UGT1A8: variants seen among roughly 807,000 people sequenced by gnomAD.
UGT1A8 encodes UDP-glucuronosyltransferase 1A8.
A neutral mutation model predicts 45.3 loss-of-function variants in UGT1A8; 39 were observed. The ratio of observed to expected loss-of-function variants is 0.86; its 90% CI spans 0.67 to 1.12. The LOEUF (loss-of-function observed/expected upper bound fraction) is 1.12. Among genes scored for constraint, UGT1A8 ranks in the 50% most tolerant of loss-of-function variants. UGT1A8 has a pLI of 0.00. For synonymous variants in UGT1A8, 275 were observed against 249.2 expected, an observed-to-expected ratio of 1.10 and a Z score of -0.97; for missense variants, 719 against 664.9, an observed-to-expected ratio of 1.08 and a Z score of -0.90.
chr2:233,653,248 C>T (rs1396167031), intron 1 of UGT1A8, among the ~76,000 whole-genome samples: 1 of 152,114 alleles, frequency 6.6e-6, no homozygotes, highest in Non-Finnish European at 1.5e-5. Context: ...ATTTGAAAAA[C>T]ATATAAAAAC....
At chr2:233,671,416 C>T (rs925394448) in intron 1 of UGT1A8, among the ~76,000 whole-genome samples, 6 of 152,176 alleles carry the variant, frequency 3.9e-5, no homozygotes, top group African/African-American at 1.2e-4. Context: ...AATATGTATG[C>T]ATTGCAGAGA....
intron 1 of UGT1A8, among the ~76,000 whole-genome samples, chr2:233,630,088 A>C (rs1332715652): frequency 6.6e-6 from 1 of 151,534 alleles, no homozygotes; most frequent in African/African-American, 2.4e-5. Flanking sequence ...GGTTTCATTA[A>C]TTTTCTCAAC....
At chr2:233,693,541 G>T (rs1471757220) in intron 1 of UGT1A8, 7 of 1,614,056 alleles carry the variant, frequency 4.3e-6, no homozygotes, top group Non-Finnish European at 5.1e-6. Context: ...GTTCCCTGGA[G>T]CATACATTCA....
intron 1 of UGT1A8, among the ~76,000 whole-genome samples, chr2:233,744,427 T>C (rs1221651523): frequency 2.0e-5 from 3 of 151,848 alleles, no homozygotes; most frequent in East Asian, 1.9e-4. Flanking sequence ...GTGGATTATA[T>C]CTATCATACG....
intron 1 of UGT1A8, among the ~76,000 whole-genome samples, chr2:233,720,207 G>A (rs764211548): frequency 6.6e-6 from 1 of 152,150 alleles, no homozygotes; most frequent in Non-Finnish European, 1.5e-5. Flanking sequence ...TGTGAAGGTG[G>A]GATGGATGCA....
At chr2:233,717,158 G>A (rs75491591) in intron 1 of UGT1A8, among the ~76,000 whole-genome samples, 1 of 152,182 alleles carries the variant, frequency 6.6e-6, no homozygotes, top group Non-Finnish European at 1.5e-5. Flanking sequence ...GAACATGGGA[G>A]CCCCTTGAAT....
intron 1 of UGT1A8, among the ~76,000 whole-genome samples, chr2:233,674,890 G>T (rs1004514794): frequency 1.3e-5 from 2 of 152,160 alleles, no homozygotes; most frequent in African/African-American, 4.8e-5. Flanking sequence ...ACTTCATATT[G>T]CTCCTTCCTT....
chr2:233,721,906 A>G (rs994798913), intron 1 of UGT1A8: 14 of 450,550 alleles, frequency 3.1e-5, no homozygotes, highest in African/African-American at 2.6e-4. Context: ...GAAATGGTGC[A>G]CACTGCTTCC....
intron 1 of UGT1A8, chr2:233,721,927 A>G: frequency 2.6e-6 from 1 of 391,754 alleles, no homozygotes. Context: ...ATAAAGTGAC[A>G]TCCTTCAGAC....
At chr2:233,745,089 C>G (rs542765504) in intron 1 of UGT1A8, among the ~76,000 whole-genome samples, 1 of 151,738 alleles carries the variant, frequency 6.6e-6, no homozygotes, top group Admixed American at 6.5e-5. Flanking sequence ...ATTGCTCTTC[C>G]CCCCAAATAT....
chr2:233,700,383 C>T (rs953707626), intron 1 of UGT1A8, among the ~76,000 whole-genome samples: 19 of 152,264 alleles, frequency 1.2e-4, no homozygotes, highest in African/African-American at 4.6e-4. Flanking sequence ...CATTTCCAGG[C>T]ATGTGGAACA....
intron 3 of UGT1A8, 36 bp from the exon 4 acceptor site, chr2:233,768,184 T>A: frequency 6.2e-7 from 1 of 1,614,044 alleles, no homozygotes; most frequent in Non-Finnish European, 8.5e-7. Flanking sequence ...AACTCAGAGA[T>A]GTAACTGCTG....
intron 1 of UGT1A8, among the ~76,000 whole-genome samples, chr2:233,645,656 T>G (rs2073581602): frequency 6.6e-6 from 1 of 152,178 alleles, no homozygotes; most frequent in Non-Finnish European, 1.5e-5. Context: ...CAAAATGATC[T>G]CCTTTGACTC....
chr2:233,675,775 T>A (rs907912363), intron 1 of UGT1A8, among the ~76,000 whole-genome samples: 4 of 152,228 alleles, frequency 2.6e-5, no homozygotes, highest in Admixed American at 2.6e-4. Context: ...AGAAAACTTT[T>A]AAAAATAAAT....
At chr2:233,763,400 C>G (rs1260538739) in intron 1 of UGT1A8, among the ~76,000 whole-genome samples, 3 of 152,186 alleles carry the variant, frequency 2.0e-5, no homozygotes, top group African/African-American at 7.2e-5. Context: ...CAACATGGCA[C>G]TGGTATTTTT....
At chr2:233,636,539 G>A in intron 1 of UGT1A8, 24 of 1,613,818 alleles carry the variant, frequency 1.5e-5, no homozygotes, top group Non-Finnish European at 1.9e-5. Flanking sequence ...CGCGCAGGGT[G>A]GACCAGCCCC....
At position 233,663,167 on chromosome 2, in the gene UGT1A8, C is replaced by T. The variant is rs544236046; in HGVS notation, c.855+44605C>T. 6.6e-5 allele frequency among the ~76,000 whole-genome samples: 10 copies of T among 152,174 alleles called. No homozygotes were observed. The East Asian group carries it at 7.7e-4, about 12-fold the overall frequency. The stretch of plus-strand genomic sequence containing the variant: ...CCTCTCCTCCAAGCCCTGGTGTAAC[C>T]ACCCGGGGGATTCACCTTGCCTGCT... On this transcript the variant is annotated intron_variant, in intron 1 of 4. Coordinates refer to ENST00000373450, the MANE Select transcript of UGT1A8 (RefSeq NM_019076.5).
intron 1 of UGT1A8, among the ~76,000 whole-genome samples, chr2:233,619,985 C>T (rs552516962): frequency 8.5e-5 from 13 of 152,182 alleles, no homozygotes; most frequent in East Asian, 3.9e-4. Flanking sequence ...TCTTGGCAAA[C>T]GCATAGTTGC....
intron 1 of UGT1A8, among the ~76,000 whole-genome samples, chr2:233,720,140 G>T (rs527690030): frequency 5.9e-5 from 9 of 152,254 alleles, no homozygotes; most frequent in African/African-American, 2.2e-4. Context: ...GGAGACCTAG[G>T]CACTCACAGG....
Sources: allele counts gnomAD v4.1 joint callset (sites outside exome capture counted in the v4.1 genomes callset), GRCh38; gene constraint gnomAD v4.1.1; transcripts MANE v1.5; gene names NCBI Gene and HGNC (gene_info 2026-07-23, HGNC 2026-07-21).